POLN: variants seen among roughly 807,000 people sequenced by gnomAD.
The protein encoded by POLN is DNA polymerase N.
Under a neutral mutation model 113.5 loss-of-function variants are expected in POLN, and 108 were observed. The observed-to-expected ratio is 0.95, with a 90% CI of 0.81 to 1.12. POLN has a LOEUF of 1.12. Among genes scored for constraint, POLN ranks in the 50% most tolerant of loss-of-function variants. The pLI is 0.00. For synonymous variants in POLN, 386 were observed against 391.5 expected, an observed-to-expected ratio of 0.99 and a Z score of 0.17; for missense variants, 1,097 against 1,077.1, an observed-to-expected ratio of 1.02 and a Z score of -0.26.
At chr4:2,178,064 C>T (rs545945232) in intron 8 of POLN, among the ~76,000 whole-genome samples, 10 of 152,228 alleles carry the variant, frequency 6.6e-5, no homozygotes, top group Non-Finnish European at 1.2e-4. Context: ...ACTTATAACC[C>T]CAAAACCCTA....
intron 19 of POLN, among the ~76,000 whole-genome samples, chr4:2,117,091 G>C (rs1350198856): frequency 6.6e-6 from 1 of 152,200 alleles, no homozygotes; most frequent in Non-Finnish European, 1.5e-5. Flanking sequence ...CTGCAGCTCT[G>C]TTCCATGTCA....
At chr4:2,173,710 C>A (rs10026945) in intron 11 of POLN, among the ~76,000 whole-genome samples, 37,479 of 151,936 alleles carry the variant, frequency 0.25, 7,146 homozygotes, top group African/African-American at 0.52. Context: ...GTAAGAAAAA[C>A]GTAACTTTTG....
At chr4:2,182,313 T>C (rs1254974158) in intron 7 of POLN, among the ~76,000 whole-genome samples, 1 of 152,230 alleles carries the variant, frequency 6.6e-6, no homozygotes, top group Admixed American at 6.5e-5. Flanking sequence ...TAAGTTAGGG[T>C]GAGCCCTAAA....
At chr4:2,191,440 T>C (rs1040520453) in intron 7 of POLN, among the ~76,000 whole-genome samples, 2 of 152,130 alleles carry the variant, frequency 1.3e-5, no homozygotes, top group African/African-American at 4.8e-5. Flanking sequence ...AGAGTGACTA[T>C]AGTAAACAAT....
intron 23 of POLN, chr4:2,078,949 A>G: frequency 1.0e-6 from 1 of 984,394 alleles, no homozygotes; most frequent in Non-Finnish European, 1.2e-6. Context: ...TCTTTTTTTG[A>G]GGCAGGTTCT....
intron 22 of POLN, 56 bp downstream of exon 22, chr4:2,081,574 GGCT>G: frequency 6.5e-7 from 1 of 1,533,254 alleles, no homozygotes; most frequent in Non-Finnish European, 9.0e-7. Flanking sequence ...CCAGCCCTGC[GGCT>G]GCTAAAACCC....
chr4:2,120,492 T>C lies in POLN; in HGVS notation c.1982+7621A>G, dbSNP rs144278885. ...TGAAATTTAAGTACTTTATTATCTA[T>C]AGAGTGATTTTTTTTTTTTGAGACA... On this transcript the variant is annotated intron_variant, in intron 19 of 25. Coordinates refer to ENST00000511885, the MANE Select transcript of POLN (RefSeq NM_181808.4). 5.1e-3 allele frequency among the ~76,000 whole-genome samples: 784 copies of C among 152,240 alleles called. 9 individuals carry two copies. Among genetic ancestry groups the C allele is most frequent in the Non-Finnish European group, 5.4e-3 (365 of 68,016 alleles).
intron 19 of POLN, among the ~76,000 whole-genome samples, chr4:2,109,825 T>A (rs1300016096): frequency 6.6e-6 from 1 of 152,200 alleles, no homozygotes; most frequent in African/African-American, 2.4e-5. Flanking sequence ...TCTTGTTATT[T>A]AACTTTTATT....
intron 19 of POLN, among the ~76,000 whole-genome samples, chr4:2,114,514 T>C (rs1731272052): frequency 6.6e-6 from 1 of 152,246 alleles, no homozygotes; most frequent in Non-Finnish European, 1.5e-5. Context: ...CAGAGTTCTA[T>C]ATTCTACATT....
At chr4:2,197,437 T>C (rs1733607796) in intron 6 of POLN, among the ~76,000 whole-genome samples, 1 of 152,168 alleles carries the variant, frequency 6.6e-6, no homozygotes, top group African/African-American at 2.4e-5. Flanking sequence ...CCAGGACTTT[T>C]TGCCTAAGCT....
intron 7 of POLN, among the ~76,000 whole-genome samples, chr4:2,186,397 T>G (rs1733274059): frequency 6.6e-6 from 1 of 152,148 alleles, no homozygotes; most frequent in South Asian, 2.1e-4. Flanking sequence ...AGGACCATGT[T>G]GTAGGAGGTA....
At chr4:2,107,336 A>G (rs1731088448) in intron 19 of POLN, among the ~76,000 whole-genome samples, 1 of 152,176 alleles carries the variant, frequency 6.6e-6, no homozygotes, top group East Asian at 1.9e-4. Flanking sequence ...TCATTATTTC[A>G]TCAACTAGAG....
chr4:2,208,616 A>C (rs1733916932), intron 4 of POLN, 129 bp from the exon 5 acceptor site: 1 of 739,814 alleles, frequency 1.4e-6, no homozygotes, highest in Non-Finnish European at 2.0e-6. Context: ...CCTATGATCA[A>C]ACCTTCTAAG....
intron 6 of POLN, among the ~76,000 whole-genome samples, chr4:2,196,639 A>G (rs1342442613): frequency 7.2e-6 from 1 of 138,132 alleles, no homozygotes; most frequent in Non-Finnish European, 1.6e-5. Flanking sequence ...GTGGCTCTGG[A>G]AAAAAAAAAA....
At chr4:2,159,098 G>A in intron 14 of POLN, 57 bp downstream of exon 14, 6 of 1,259,364 alleles carry the variant, frequency 4.8e-6, no homozygotes, top group Non-Finnish European at 7.0e-6. Flanking sequence ...CAGACACAGG[G>A]CCATATGGTT....
chr4:2,184,846 T>G (rs936692752), intron 7 of POLN, among the ~76,000 whole-genome samples: 6 of 152,190 alleles, frequency 3.9e-5, no homozygotes, highest in Non-Finnish European at 8.8e-5. Flanking sequence ...TGTCAAAACA[T>G]ATCAAATATA....
At chr4:2,220,406 T>G (rs1734226938) in intron 3 of POLN, among the ~76,000 whole-genome samples, 1 of 152,196 alleles carries the variant, frequency 6.6e-6, no homozygotes, top group South Asian at 2.1e-4. Context: ...CTACTGAGTT[T>G]CACAAGCACC....
At chr4:2,102,012 G>T (rs1249298109) in intron 19 of POLN, among the ~76,000 whole-genome samples, 2 of 152,078 alleles carry the variant, frequency 1.3e-5, no homozygotes, top group African/African-American at 4.8e-5. Context: ...GGTGTGAGAG[G>T]GACACAAGTT....
intron 19 of POLN, among the ~76,000 whole-genome samples, chr4:2,114,765 T>C (rs755072097): frequency 1.3e-5 from 2 of 152,166 alleles, no homozygotes; most frequent in African/African-American, 2.4e-5. Flanking sequence ...TTTGGATACG[T>C]AGATTGACAT....
Sources: gnomAD v4.1 joint callset for allele counts (sites outside exome capture counted in the v4.1 genomes callset) on GRCh38, gnomAD v4.1.1 for gene constraint, MANE v1.5 for transcripts, NCBI Gene and HGNC (gene_info 2026-07-23, HGNC 2026-07-21) for gene names.